ARHGAP42: variants seen among roughly 807,000 people sequenced by gnomAD.
ARHGAP42 encodes the protein Rho GTPase activating protein 42.
A neutral mutation model predicts 125.0 loss-of-function variants in ARHGAP42; 63 were observed. The ratio of observed to expected loss-of-function variants is 0.50; its 90% CI spans 0.41 to 0.62. The LOEUF is 0.62. Ranked by LOEUF, ARHGAP42 falls within the 20% of genes least tolerant of loss-of-function variation. The pLI is 0.00. For synonymous variants in ARHGAP42, 339 were observed against 351.0 expected (o/e 0.97, Z 0.38); for missense variants, 766 against 1,024.2 (o/e 0.75, Z 3.44).
At chr11:100,788,213 G>A (rs929279445) in intron 2 of ARHGAP42, among the ~76,000 whole-genome samples, 7 of 152,142 alleles carry the variant, frequency 4.6e-5, no homozygotes, top group Admixed American at 1.3e-4. Flanking sequence ...ATTCCTTGGC[G>A]ATAGGATATA....
chr11:100,767,524 G>A (rs667575), intron 1 of ARHGAP42, among the ~76,000 whole-genome samples: 114,576 of 152,040 alleles, frequency 0.75, 44,030 homozygotes, highest in African/African-American at 0.89. Context: ...TTTTCAGTCA[G>A]GGTACGAGGC....
At chr11:100,737,724 G>T (rs1476865511) in intron 1 of ARHGAP42, among the ~76,000 whole-genome samples, 2 of 152,198 alleles carry the variant, frequency 1.3e-5, no homozygotes, top group South Asian at 2.1e-4. Flanking sequence ...TTGAATGAAT[G>T]AACTCTCCCT....
intron 7 of ARHGAP42, 123 bp downstream of exon 7, chr11:100,933,383 G>T: frequency 3.5e-6 from 2 of 577,670 alleles, no homozygotes; most frequent in South Asian, 4.2e-5. Context: ...CCTAATCTTA[G>T]TTAGAAAAAT....
At chr11:100,702,150 T>C (rs939137673) in intron 1 of ARHGAP42, among the ~76,000 whole-genome samples, 2 of 151,906 alleles carry the variant, frequency 1.3e-5, no homozygotes, top group Non-Finnish European at 2.9e-5. Flanking sequence ...TGAATAAAAA[T>C]AAAAATAAAG....
intron 3 of ARHGAP42, among the ~76,000 whole-genome samples, chr11:100,842,509 C>T (rs920944844): frequency 1.3e-5 from 2 of 152,076 alleles, no homozygotes; most frequent in African/African-American, 4.8e-5. Context: ...ATATTAGCAC[C>T]TGTCAGTAAA....
chr11:100,698,949 T>G (rs907480463), intron 1 of ARHGAP42, among the ~76,000 whole-genome samples: 1 of 152,188 alleles, frequency 6.6e-6, no homozygotes, highest in African/African-American at 2.4e-5. Flanking sequence ...TTTTTCTAGT[T>G]CCAGCTCCAT....
intron 3 of ARHGAP42, among the ~76,000 whole-genome samples, chr11:100,813,695 G>A (rs1445728948): frequency 6.6e-6 from 1 of 152,140 alleles, no homozygotes; most frequent in East Asian, 1.9e-4. Context: ...TTTTGCTCTT[G>A]TAAGTAGACT....
chr11:100,801,516 G>A (rs1257788601), intron 3 of ARHGAP42, among the ~76,000 whole-genome samples: 2 of 152,088 alleles, frequency 1.3e-5, no homozygotes, highest in African/African-American at 4.8e-5. Context: ...ATGACTATTT[G>A]CAGAAAAGAG....
intron 1 of ARHGAP42, among the ~76,000 whole-genome samples, chr11:100,751,175 G>A (rs1862443435): frequency 6.6e-6 from 1 of 151,880 alleles, no homozygotes; most frequent in Non-Finnish European, 1.5e-5. Context: ...CTGACCTCAG[G>A]TGATTCTCCT....
At chr11:100,863,067 C>A (rs1403971189) in intron 4 of ARHGAP42, among the ~76,000 whole-genome samples, 1 of 142,578 alleles carries the variant, frequency 7.0e-6, no homozygotes, top group African/African-American at 2.7e-5. Flanking sequence ...AAAACACACA[C>A]ACACACACAC....
chr11:100,905,169 G>T (rs1262433718), intron 4 of ARHGAP42, among the ~76,000 whole-genome samples: 5 of 152,050 alleles, frequency 3.3e-5, no homozygotes, highest in Non-Finnish European at 7.4e-5. Flanking sequence ...TTTTAAAACA[G>T]AAATCAATTA....
chr11:100,917,976 C>A (rs115038982), intron 5 of ARHGAP42, among the ~76,000 whole-genome samples: 2,118 of 152,242 alleles, frequency 0.014, 52 homozygotes, highest in African/African-American at 0.048. Context: ...GACACCTTCA[C>A]CATTATCAGA....
At chr11:100,813,245 T>G (rs1337092904) in intron 3 of ARHGAP42, among the ~76,000 whole-genome samples, 1 of 152,176 alleles carries the variant, frequency 6.6e-6, no homozygotes, top group African/African-American at 2.4e-5. Flanking sequence ...CATTGTAGGA[T>G]GTTTAGCAAT....
At chr11:100,870,612 TA>T in intron 4 of ARHGAP42, among the ~76,000 whole-genome samples, 1 of 152,216 alleles carries the variant, frequency 6.6e-6, no homozygotes, top group Non-Finnish European at 1.5e-5. Flanking sequence ...TTTTCAAACT[TA>T]AATGGTGAGA....
At chr11:100,773,698 A>G (rs1431721855) in intron 2 of ARHGAP42, among the ~76,000 whole-genome samples, 1 of 152,170 alleles carries the variant, frequency 6.6e-6, no homozygotes, top group Non-Finnish European at 1.5e-5. Flanking sequence ...TGATATCTCA[A>G]CAGTGGTTTG....
chr11:100,903,752 A>G lies in ARHGAP42; in HGVS notation c.385-9700A>G, dbSNP rs866200192. ...TATATATATATATATATATATATAT[A>G]TATGTATGTAAAGGAAAGTTTATTA... On this transcript the variant is annotated intron_variant, in intron 4 of 23. Transcript: ENST00000298815. Among the ~76,000 whole-genome samples the G allele has an allele frequency of 1.4e-3, 176 of 125,626 alleles. 1 individual carries two copies. Among genetic ancestry groups the G allele is most frequent in the African/African-American group, 4.1e-3 (134 of 32,784 alleles). 82.4% of individuals were successfully genotyped at this position (125,626 alleles called of 152,430 possible). A position where few individuals can be genotyped will look rare whatever the true frequency, so the allele number is the denominator to read the frequency against.
chr11:100,734,217 G>A (rs984829595), intron 1 of ARHGAP42, among the ~76,000 whole-genome samples: 12 of 151,744 alleles, frequency 7.9e-5, no homozygotes, highest in African/African-American at 1.9e-4. Flanking sequence ...ACAAGCGTGA[G>A]CCACCGCGCC....
intron 5 of ARHGAP42, among the ~76,000 whole-genome samples, chr11:100,914,324 G>A (rs1330582875): frequency 6.6e-6 from 1 of 151,930 alleles, no homozygotes; most frequent in Non-Finnish European, 1.5e-5. Context: ...CATCTAAGCA[G>A]TTTGTTTCTT....
chr11:100,718,170 G>A (rs1216222481), intron 1 of ARHGAP42, among the ~76,000 whole-genome samples: 2 of 152,092 alleles, frequency 1.3e-5, no homozygotes, highest in Admixed American at 1.3e-4. Context: ...AGGTATGTGG[G>A]ACAGATCACT....
Sources: allele counts gnomAD v4.1 joint callset (sites outside exome capture counted in the v4.1 genomes callset), GRCh38; gene constraint gnomAD v4.1.1; transcripts MANE v1.5; gene names NCBI Gene and HGNC (gene_info 2026-07-23, HGNC 2026-07-21).